DAB2IP: variants seen among roughly 807,000 people sequenced by gnomAD.
The protein encoded by DAB2IP is disabled homolog 2-interacting protein.
A neutral mutation model predicts 107.2 loss-of-function variants in DAB2IP; 28 were observed. The ratio of observed to expected loss-of-function variants is 0.26; its 90% CI spans 0.19 to 0.36. The LOEUF is 0.36. Ranked by LOEUF, DAB2IP falls within the 10% of genes least tolerant of loss-of-function variation. DAB2IP has a pLI of 1.00. For synonymous variants in DAB2IP, 755 were observed against 706.4 expected (o/e 1.07, Z -1.09); for missense variants, 1,400 against 1,644.7 (o/e 0.85, Z 2.57).
chr9:121,664,169 G>T (rs1271462549), intron 1 of DAB2IP, among the ~76,000 whole-genome samples: 1 of 152,058 alleles, frequency 6.6e-6, no homozygotes, highest in African/African-American at 2.4e-5. Flanking sequence ...ATTTACCTCG[G>T]CACTGTTTTT....
intron 3 of DAB2IP, among the ~76,000 whole-genome samples, chr9:121,726,895 T>A (rs1831264566): frequency 6.6e-6 from 1 of 152,198 alleles, no homozygotes; most frequent in Non-Finnish European, 1.5e-5. Context: ...TCCCTCATAC[T>A]GTACTTCAGG....
intron 3 of DAB2IP, among the ~76,000 whole-genome samples, chr9:121,721,627 T>G (rs1830939908): frequency 6.6e-6 from 1 of 152,134 alleles, no homozygotes; most frequent in Non-Finnish European, 1.5e-5. Flanking sequence ...AATCTAGAGG[T>G]TTTTTTGTGA....
At chr9:121,582,747 C>A (rs972994588) in intron 1 of DAB2IP, among the ~76,000 whole-genome samples, 1 of 152,226 alleles carries the variant, frequency 6.6e-6, no homozygotes, top group African/African-American at 2.4e-5. Flanking sequence ...TCTTCTGAGC[C>A]GGAAACACCT....
intron 1 of DAB2IP, among the ~76,000 whole-genome samples, chr9:121,630,601 A>T (rs1831840193): frequency 6.7e-6 from 1 of 149,542 alleles, no homozygotes; most frequent in South Asian, 2.1e-4. Context: ...TTTATTTATT[A>T]ATTTTTAATT....
chr9:121,761,634 TC>T (rs1833899494), intron 6 of DAB2IP, among the ~76,000 whole-genome samples: 2 of 151,902 alleles, frequency 1.3e-5, no homozygotes, highest in Admixed American at 1.3e-4. Flanking sequence ...GGCGGGGACC[TC>T]CTCCCCATGG....
At chr9:121,742,718 A>C (rs1589621761) in intron 3 of DAB2IP, 1 of 985,450 alleles carries the variant, frequency 1.0e-6, no homozygotes, top group Non-Finnish European at 1.2e-6. Context: ...GGTTCCCTGC[A>C]CCTGCCTTTT....
intron 1 of DAB2IP, among the ~76,000 whole-genome samples, chr9:121,663,828 G>A (rs555631567): frequency 2.0e-5 from 3 of 152,376 alleles, no homozygotes; most frequent in Non-Finnish European, 4.4e-5. Context: ...TCACTTGGGA[G>A]CACTGTCTTC....
At position 121,577,256 on chromosome 9, in the gene DAB2IP, T is replaced by C. The variant is rs117282683; in HGVS notation, c.40+10028T>C. ...AAGAAAACACAAGCCTGAGGAGCTT[T>C]GGGTCAGATTGTCTCGGGAGAGTGG... On this transcript the variant is annotated intron_variant, in intron 1 of 16. Transcript: ENST00000259371. Among the ~76,000 whole-genome samples, 779 of 152,110 alleles carry C rather than the reference T, an allele frequency of 5.1e-3. 18 individuals carry two copies. Among genetic ancestry groups the C allele is most frequent in the Admixed American group, 0.038 (579 of 15,276 alleles).
rs34167414 is a variant in DAB2IP at position 121,635,906 on chromosome 9, T to TG, written c.41-42763dup. 0.013 allele frequency among the ~76,000 whole-genome samples: 1,890 copies of TG among 145,718 alleles called. 48 individuals carry two copies. Among genetic ancestry groups the TG allele is most frequent in the African/African-American group, 0.044 (1,749 of 39,944 alleles). ...CAGTCCCCTGTTTAGATGTCTTTTT[T>TG]GGGGGGGGGTCTGGGGGATGGAGTC... On this transcript the variant is annotated intron_variant, in intron 1 of 16. Coordinates refer to the DAB2IP transcript ENST00000259371. This position sits in a 1 kb window ranked among gnomAD's most constrained non-coding sequence, Gnocchi z 4.3.
upstream of DAB2IP, among the ~76,000 whole-genome samples, chr9:121,648,046 A>C (rs1454321192): frequency 6.6e-6 from 1 of 152,098 alleles, no homozygotes; most frequent in Non-Finnish European, 1.5e-5. Flanking sequence ...GTGGGAGCTA[A>C]GCTATGAGGA....
Position 121,631,525 on chromosome 9 carries a change from A to G in DAB2IP, c.41-47153A>G, listed in dbSNP as rs548284360. Among the ~76,000 whole-genome samples the G allele has an allele frequency of 2.0e-5, 3 of 152,162 alleles. No individual in the cohort carries two copies. In the East Asian group the frequency reaches 5.8e-4, roughly 29 times the overall value. ...GAATGGAAGTCCTGAATGCAAGGCAAAGAAGCTTGCGGCCCGACGCGGTGG... is the reference window on the plus strand; with the variant it reads ...GAATGGAAGTCCTGAATGCAAGGCAGAGAAGCTTGCGGCCCGACGCGGTGG... On this transcript the variant is annotated intron_variant, in intron 1 of 16. Coordinates refer to the DAB2IP transcript ENST00000259371.
chr9:121,779,715 G>A (rs1050357510), intron 14 of DAB2IP, among the ~76,000 whole-genome samples: 6 of 152,208 alleles, frequency 3.9e-5, no homozygotes, highest in East Asian at 1.9e-4. Context: ...CTGCTTCTGC[G>A]ATTGTTTCGT....
At chr9:121,601,483 T>C (rs1282873796) in intron 1 of DAB2IP, among the ~76,000 whole-genome samples, 1 of 152,240 alleles carries the variant, frequency 6.6e-6, no homozygotes, top group Non-Finnish European at 1.5e-5. Flanking sequence ...CTATGACTTC[T>C]ATCCACTGGT....
intron 1 of DAB2IP, among the ~76,000 whole-genome samples, chr9:121,589,916 C>CTTCCT (rs1830390363): frequency 1.1e-5 from 1 of 93,322 alleles, no homozygotes. Context: ...CCCAGTCCTG[C>CTTCCT]TCCCTTCCCT....
rs1215095724 is a variant in DAB2IP at position 121,701,752 on chromosome 9, T to C, written c.362+2294T>C. On this transcript the variant is annotated intron_variant, in intron 3 of 15. Coordinates refer to ENST00000408936, the Ensembl canonical transcript of DAB2IP. This position sits in a 1 kb window ranked among gnomAD's most constrained non-coding sequence, Gnocchi z 4.7. ...GGAGTTCAGTGAGTAAAAACAACTA[T>C]GGTGACCCCGCCCGCCCCCCAGCTC... Among the ~76,000 whole-genome samples the C allele has an allele frequency of 2.0e-5, 3 of 152,122 alleles. No individual in the cohort carries two copies. Among genetic ancestry groups the C allele is most frequent in the Admixed American group, 2.0e-4 (3 of 15,278 alleles).
At position 121,580,620 on chromosome 9, in the gene DAB2IP, C is replaced by T. The variant is rs114966740; in HGVS notation, c.40+13392C>T. 8.2e-3 allele frequency among the ~76,000 whole-genome samples: 1,240 copies of T among 151,844 alleles called. 23 individuals carry two copies. Among genetic ancestry groups the T allele is most frequent in the African/African-American group, 0.029 (1,185 of 41,378 alleles). ...AGTTGAGAACTACAGAGTAGCCCAT[C>T]TAAGAACTTTTTTTTTTTTTCTGAG... On this transcript the variant is annotated intron_variant, in intron 1 of 16. Coordinates refer to the DAB2IP transcript ENST00000259371.
chr9:121,763,993 C>T (rs1288150317), intron 8 of DAB2IP, 114 bp downstream of exon 8: 3 of 1,445,058 alleles, frequency 2.1e-6, no homozygotes, highest in African/African-American at 1.4e-5. Context: ...ACTGACTTGC[C>T]AGTCCCCTGG....
intron 10 of DAB2IP, among the ~76,000 whole-genome samples, chr9:121,769,253 A>G (rs1020536313): frequency 7.9e-5 from 12 of 152,160 alleles, no homozygotes; most frequent in African/African-American, 2.9e-4. Flanking sequence ...TAAGGTGCTG[A>G]AACTGGCCTG....
Position 121,678,670 on chromosome 9 carries a change from G to A in DAB2IP, c.125-8G>A, listed in dbSNP as rs968759800. 3 of 1,539,804 alleles carry A rather than the reference G, an allele frequency of 1.9e-6. No individual in the cohort carries two copies. In the African/African-American group the frequency reaches 4.1e-5, roughly 21 times the overall value. On this transcript the variant is annotated splice_polypyrimidine_tract_variant and splice_region_variant and intron_variant, in intron 1 of 15. Transcript: ENST00000408936. ...TTGTTCAACCTCTCTCTCCTCCTCTGTTGGCAGAGTCGCCTCAAGAAAGGC... is the reference window on the plus strand; with the variant it reads ...TTGTTCAACCTCTCTCTCCTCCTCTATTGGCAGAGTCGCCTCAAGAAAGGC...
Sources: gnomAD v4.1 joint callset for allele counts (sites outside exome capture counted in the v4.1 genomes callset) on GRCh38, gnomAD v4.1.1 for gene constraint, Gnocchi (gnomAD v3.1) non-coding constraint, MANE v1.5 for transcripts, NCBI Gene and HGNC (gene_info 2026-07-23, HGNC 2026-07-21) for gene names.